The following ANO6 variants were observed in gnomAD, a reference collection of about 807,000 sequenced individuals.
ANO6 encodes the protein anoctamin-6.
In ANO6, 106 loss-of-function variants were observed where a neutral mutation model predicts 117.5. The observed-to-expected ratio is 0.90, with a 90% CI of 0.77 to 1.06. The LOEUF is 1.06. Ranked by LOEUF, ANO6 falls within the 50% of genes least tolerant of loss-of-function variation. The pLI is 0.00. For synonymous variants in ANO6, 367 were observed against 385.1 expected, an observed-to-expected ratio of 0.95 and a Z score of 0.55; for missense variants, 955 against 1,121.1, an observed-to-expected ratio of 0.85 and a Z score of 2.12.
At chr12:45,218,021 C>T (rs556558939) in intron 1 of ANO6, among the ~76,000 whole-genome samples, 3 of 152,242 alleles carry the variant, frequency 2.0e-5, no homozygotes, top group African/African-American at 7.2e-5. Flanking sequence ...ATTGAGGCAT[C>T]GTATAAATTC....
At chr12:45,276,971 C>G (rs955528450) in intron 1 of ANO6, among the ~76,000 whole-genome samples, 77 of 152,178 alleles carry the variant, frequency 5.1e-4, no homozygotes, top group African/African-American at 1.6e-3. Context: ...GTTCGCTGTT[C>G]CCCAGAGGCC....
rs185131175 is a variant in ANO6 at position 45,325,664 on chromosome 12, C to T, written c.151-5631C>T. On this transcript the variant is annotated intron_variant, in intron 2 of 19. Transcript: ENST00000320560. ...AAAACAACCACTATAGGCATTTTCA[C>T]ATTTTTTTCTTTTCATTTATTGACT... 3.6e-3 allele frequency among the ~76,000 whole-genome samples: 541 copies of T among 152,254 alleles called. 4 individuals are homozygous for T. Among genetic ancestry groups the T allele is most frequent in the African/African-American group, 0.013 (527 of 41,566 alleles).
At chr12:45,331,487 TTTTGTATAAGTAATA>T in intron 3 of ANO6, 64 bp downstream of exon 3, 1 of 1,418,206 alleles carries the variant, frequency 7.1e-7, no homozygotes, top group South Asian at 1.3e-5. Context: ...AAAACTGCTA[TTTTGTATAAGTAATA>T]AAGTGAAACT....
chr12:45,313,807 C>A (rs1202495346), intron 2 of ANO6, among the ~76,000 whole-genome samples: 1 of 152,030 alleles, frequency 6.6e-6, no homozygotes, highest in African/African-American at 2.4e-5. Context: ...CTTACACGTG[C>A]TAATGTAATT....
rs148518565 is a variant in ANO6 at position 45,289,399 on chromosome 12, G to T, written c.71-12615G>T. Among the ~76,000 whole-genome samples, 577 of 152,106 alleles carry T rather than the reference G, an allele frequency of 3.8e-3. 3 individuals carry two copies. Among genetic ancestry groups the T allele is most frequent in the Non-Finnish European group, 3.9e-3 (262 of 67,986 alleles). On this transcript the variant is annotated intron_variant, in intron 1 of 19. Coordinates refer to ENST00000320560, the MANE Select transcript of ANO6 (RefSeq NM_001025356.3). ...GGTCAGGCTGATCTTGACCTCAGGT[G>T]ATCCACCCGCCTTGGCCTCCCAAAG...
At chr12:45,231,111 A>C (rs1184475733) in intron 1 of ANO6, among the ~76,000 whole-genome samples, 1 of 152,216 alleles carries the variant, frequency 6.6e-6, no homozygotes, top group Non-Finnish European at 1.5e-5. Context: ...TGTCTCAAAA[A>C]AGAAGGAAAA....
chr12:45,438,012 C>T (rs1943727267), intron 19 of ANO6, among the ~76,000 whole-genome samples: 2 of 152,166 alleles, frequency 1.3e-5, no homozygotes, highest in South Asian at 4.2e-4. Flanking sequence ...GCAGTCTTTC[C>T]ACTCTCTATG....
chr12:45,357,217 A>G, intron 7 of ANO6, 73 bp from the exon 8 acceptor site: 1 of 1,543,588 alleles, frequency 6.5e-7, no homozygotes, highest in Non-Finnish European at 8.9e-7. Context: ...ATTTAAAATC[A>G]GAAATTAATA....
intron 2 of ANO6, among the ~76,000 whole-genome samples, chr12:45,323,176 T>A (rs1245532313): frequency 2.6e-5 from 4 of 152,214 alleles, no homozygotes; most frequent in African/African-American, 4.8e-5. Flanking sequence ...CTTAACATAT[T>A]CTATTCTTTT....
intron 12 of ANO6, among the ~76,000 whole-genome samples, chr12:45,394,812 A>G (rs78994990): frequency 6.6e-6 from 1 of 152,252 alleles, no homozygotes; most frequent in Non-Finnish European, 1.5e-5. Context: ...CAAAGACGCA[A>G]CATGCCAGAA....
intron 2 of ANO6, among the ~76,000 whole-genome samples, chr12:45,305,126 G>A (rs1365460819): frequency 6.6e-6 from 1 of 152,174 alleles, no homozygotes; most frequent in African/African-American, 2.4e-5. Flanking sequence ...GTGAACATAA[G>A]GTGCATGTGT....
chr12:45,291,792 T>TA (rs972761046), intron 1 of ANO6, among the ~76,000 whole-genome samples: 1 of 152,108 alleles, frequency 6.6e-6, no homozygotes, highest in Non-Finnish European at 1.5e-5. Context: ...TTTTTTTTTT[T>TA]AATCAAATAA....
chr12:45,343,606 TA>T (rs1326652737), intron 3 of ANO6, among the ~76,000 whole-genome samples: 1 of 152,232 alleles, frequency 6.6e-6, no homozygotes, highest in African/African-American at 2.4e-5. Context: ...GATTCTTACT[TA>T]CCAGTATCAT....
chr12:45,405,862 G>A (rs911482137), intron 15 of ANO6, among the ~76,000 whole-genome samples: 50 of 151,932 alleles, frequency 3.3e-4, no homozygotes, highest in African/African-American at 1.1e-3. Context: ...AGCCGAGATC[G>A]CACCATTGCA....
intron 1 of ANO6, among the ~76,000 whole-genome samples, chr12:45,265,399 C>T (rs1355034612): frequency 6.6e-6 from 1 of 152,116 alleles, no homozygotes; most frequent in Admixed American, 6.5e-5. Context: ...TACCCTGGCT[C>T]CACACCTCAC....
intron 2 of ANO6, among the ~76,000 whole-genome samples, chr12:45,329,907 A>G (rs963179925): frequency 6.6e-6 from 1 of 152,114 alleles, no homozygotes; most frequent in African/African-American, 2.4e-5. Flanking sequence ...GCATTTTCAT[A>G]TAGTTTTAAA....
At chr12:45,294,395 A>T (rs565349277) in intron 1 of ANO6, among the ~76,000 whole-genome samples, 1 of 152,292 alleles carries the variant, frequency 6.6e-6, no homozygotes, top group East Asian at 1.9e-4. Flanking sequence ...CATCTTCATG[A>T]ATAACTTTCT....
chr12:45,384,342 T>A (rs1942242799), intron 10 of ANO6, among the ~76,000 whole-genome samples: 1 of 152,262 alleles, frequency 6.6e-6, no homozygotes, highest in South Asian at 2.1e-4. Context: ...ATTTGTGTGT[T>A]CACTGGAGTA....
At chr12:45,287,380 C>G (rs377678650) in intron 1 of ANO6, among the ~76,000 whole-genome samples, 3 of 152,320 alleles carry the variant, frequency 2.0e-5, no homozygotes, top group Non-Finnish European at 1.5e-5. Flanking sequence ...TTCTCCATGC[C>G]TCTTCATCAG....
Sources: allele counts gnomAD v4.1 joint callset (sites outside exome capture counted in the v4.1 genomes callset), GRCh38; gene constraint gnomAD v4.1.1; transcripts MANE v1.5; gene names NCBI Gene and HGNC (gene_info 2026-07-23, HGNC 2026-07-21).